Variants in PTPN12 observed in about 807,000 individuals in gnomAD.
PTPN12 encodes protein tyrosine phosphatase non-receptor type 12.
Under a neutral mutation model 97.6 loss-of-function variants are expected in PTPN12, and 29 were observed. That is an observed-to-expected ratio of 0.30 (90% CI 0.22 to 0.41). The LOEUF is 0.41. PTPN12 is among the 10% of genes least tolerant of loss of function. The probability of loss-of-function intolerance (pLI) is 1.00; values close to 1 mark genes in which losing one functional copy is unlikely to be tolerated. For synonymous variants in PTPN12, 327 were observed against 300.4 expected (o/e 1.09, Z -0.91); for missense variants, 819 against 926.0 (o/e 0.88, Z 1.50).
Position 77,599,294 on chromosome 7 carries a change from T to A in PTPN12, c.553-1370T>A, listed in dbSNP as rs375663713. Among the ~76,000 whole-genome samples the A allele has an allele frequency of 3.4e-5, 5 of 148,616 alleles. No individual in the cohort carries two copies. In the East Asian group the frequency reaches 1.0e-3, roughly 30 times the overall value. On this transcript the variant is annotated intron_variant, in intron 7 of 17. Coordinates refer to ENST00000248594, the MANE Select transcript of PTPN12 (RefSeq NM_002835.4). ...CATTTAGATATATATTGTTTTTAGT[T>A]GAAACCCCCCACAGCGCCCCGACTT...
At chr7:77,578,195 T>G (rs1009457322) in intron 2 of PTPN12, among the ~76,000 whole-genome samples, 9 of 152,174 alleles carry the variant, frequency 5.9e-5, no homozygotes, top group African/African-American at 2.2e-4. Flanking sequence ...GAGGCTAATA[T>G]GTCATATGAA....
intron 9 of PTPN12, among the ~76,000 whole-genome samples, chr7:77,608,849 T>C (rs1788462639): frequency 6.6e-6 from 1 of 152,226 alleles, no homozygotes; most frequent in Admixed American, 6.5e-5. Context: ...AACATAAAAG[T>C]CAAAGATTAA....
chr7:77,550,034 T>G (rs532023156), intron 1 of PTPN12, among the ~76,000 whole-genome samples: 2 of 152,336 alleles, frequency 1.3e-5, no homozygotes, highest in South Asian at 4.1e-4. Context: ...TCATGAATCA[T>G]CTAAAATTTA....
chr7:77,583,413 A>G (rs1370294887), intron 3 of PTPN12, 142 bp from the exon 4 acceptor site: 4 of 597,670 alleles, frequency 6.7e-6, no homozygotes, highest in Non-Finnish European at 8.8e-6. Flanking sequence ...ATGCTTTAAT[A>G]TACTATGAAA....
intron 2 of PTPN12, among the ~76,000 whole-genome samples, chr7:77,573,022 G>T (rs1787197482): frequency 6.9e-6 from 1 of 145,684 alleles, no homozygotes; most frequent in African/African-American, 2.5e-5. Context: ...GGTGGAGGTT[G>T]CCATGAGCCG....
intron 2 of PTPN12, among the ~76,000 whole-genome samples, chr7:77,580,745 C>T (rs927970560): frequency 3.9e-5 from 6 of 152,016 alleles, no homozygotes; most frequent in African/African-American, 7.2e-5. Context: ...GTGTTGAACA[C>T]TTTTTATATA....
chr7:77,589,169 A>G (rs1387967005), intron 5 of PTPN12, among the ~76,000 whole-genome samples: 3 of 152,088 alleles, frequency 2.0e-5, no homozygotes, highest in Non-Finnish European at 4.4e-5. Flanking sequence ...ATCCCATGTA[A>G]TCCACCGCAC....
At chr7:77,573,536 T>C (rs550974849) in intron 2 of PTPN12, among the ~76,000 whole-genome samples, 1 of 152,292 alleles carries the variant, frequency 6.6e-6, no homozygotes, top group African/African-American at 2.4e-5. Flanking sequence ...GGAATTTATG[T>C]TTTAACTTAT....
At chr7:77,615,322 C>A (rs1788711551) in intron 11 of PTPN12, among the ~76,000 whole-genome samples, 1 of 151,838 alleles carries the variant, frequency 6.6e-6, no homozygotes, top group Non-Finnish European at 1.5e-5. Flanking sequence ...AATTTATTTT[C>A]TTCTGCAGCT....
intron 4 of PTPN12, 24 bp from the exon 5 acceptor site, chr7:77,585,519 T>C: frequency 6.3e-7 from 1 of 1,596,940 alleles, no homozygotes; most frequent in Non-Finnish European, 8.6e-7. Context: ...GTTCTTTATC[T>C]CACTCCCCAC....
At chr7:77,637,945 A>AATT (rs1789662837) in intron 16 of PTPN12, among the ~76,000 whole-genome samples, 1 of 66,786 alleles carries the variant, frequency 1.5e-5, no homozygotes. Flanking sequence ...ATTTCTTAAA[A>AATT]TTTTTTTTTT....
intron 1 of PTPN12, among the ~76,000 whole-genome samples, chr7:77,562,578 A>C (rs1808050952): frequency 6.6e-6 from 1 of 152,190 alleles, no homozygotes; most frequent in African/African-American, 2.4e-5. Flanking sequence ...AGGGTGATTT[A>C]CTATAGGGAC....
intron 1 of PTPN12, among the ~76,000 whole-genome samples, chr7:77,557,594 G>C (rs1473917381): frequency 6.6e-6 from 1 of 152,014 alleles, no homozygotes; most frequent in Non-Finnish European, 1.5e-5. Flanking sequence ...TAAGTGTACA[G>C]TTCTGTGGCA....
chr7:77,607,401 T>C, intron 9 of PTPN12, 100 bp downstream of exon 9: 1 of 888,886 alleles, frequency 1.1e-6, no homozygotes, highest in Non-Finnish European at 1.7e-6. Flanking sequence ...TTATTATACA[T>C]GTTATTTTTT....
At chr7:77,637,321 T>G (rs1217724829) in intron 16 of PTPN12, among the ~76,000 whole-genome samples, 1 of 152,182 alleles carries the variant, frequency 6.6e-6, no homozygotes, top group Non-Finnish European at 1.5e-5. Context: ...TTTTCTGTTT[T>G]TTATTTTCTG....
rs2151318462 is a variant in PTPN12 at position 77,571,093 on chromosome 7, T to A, written c.115T>A (p.Ser39Thr). ...ARDFMRLRRL[S>T]TKYRTEKIYP... The stretch of plus-strand genomic sequence containing the variant: ...GTATTTTAAGCGGTTAAGAAGATTG[T>A]CTACCAAATATAGAACAGAAAAGAT... The change falls in exon 2 of 18, where the codon TCT (serine) becomes ACT (threonine). Residue 39 changes from serine to threonine, a missense_variant. Around this residue, in one of 5 missense-constraint regions of PTPN12, gnomAD observed 66 missense variants for 133.6 expected, o/e 0.49. Transcript: ENST00000248594. The A allele has an allele frequency of 6.4e-7, 1 of 1,573,820 alleles. No homozygotes were observed. Among genetic ancestry groups the A allele is most frequent in the Non-Finnish European group, 8.6e-7 (1 of 1,162,242 alleles).
At chr7:77,569,944 A>G (rs764748719) in intron 1 of PTPN12, among the ~76,000 whole-genome samples, 6 of 152,176 alleles carry the variant, frequency 3.9e-5, no homozygotes, top group Admixed American at 6.5e-5. Flanking sequence ...CCAAAGTGCT[A>G]GGATTACAAG....
At chr7:77,585,840 C>G (rs796575284) in intron 5 of PTPN12, among the ~76,000 whole-genome samples, 10 of 152,224 alleles carry the variant, frequency 6.6e-5, no homozygotes, top group African/African-American at 2.2e-4. Flanking sequence ...CACAATAGCG[C>G]AATTCAAACA....
intron 13 of PTPN12, among the ~76,000 whole-genome samples, chr7:77,631,032 C>G (rs745616298): frequency 1.2e-4 from 18 of 152,070 alleles, no homozygotes; most frequent in Non-Finnish European, 1.5e-4. Context: ...CTGAACTGCC[C>G]TTTTTGTTTT....
Sources: allele counts gnomAD v4.1 joint callset (sites outside exome capture counted in the v4.1 genomes callset), GRCh38; gene constraint gnomAD v4.1.1; regional missense constraint gnomAD v4.1.1; transcripts MANE v1.5; gene names NCBI Gene and HGNC (gene_info 2026-07-23, HGNC 2026-07-21).